The following N4BP3 variants were observed in gnomAD, a reference collection of about 807,000 sequenced individuals.
N4BP3 encodes the protein NEDD4-binding protein 3.
In N4BP3, 33 loss-of-function variants were observed where a neutral mutation model predicts 43.8. The observed-to-expected ratio is 0.75, with a 90% CI of 0.57 to 1.01. The LOEUF is 1.01. N4BP3 is among the 50% of genes least tolerant of loss of function. N4BP3 has a pLI of 0.00. For missense variants in N4BP3, 756 were observed against 744.2 expected (o/e 1.02, Z -0.18); for synonymous variants, 326 against 321.9 (o/e 1.01, Z -0.14).
Position 178,121,887 on chromosome 5 carries a change from C to G in N4BP3, c.1521C>G (p.Ile507Met). 6.2e-7 allele frequency: 1 copy of G among 1,610,794 alleles called. No individual in the cohort carries two copies. Among genetic ancestry groups the G allele is most frequent in the South Asian group, 1.1e-5 (1 of 90,892 alleles). Residue 507 changes from isoleucine to methionine, a missense_variant, in exon 5 of 5, where the codon ATC (isoleucine) becomes ATG (methionine). Ile to Met is a conservative substitution (Grantham distance 10). Transcript: ENST00000274605. ...GCGTGCTGCGCTACCAGCGGGAGAT[C>G]CAGGGAGGGTACATGGACATGTACC... ...KERVLRYQREIQGGYMDMYRR... is the reference protein window; with the variant it reads ...KERVLRYQREMQGGYMDMYRR...
Position 178,120,314 on chromosome 5 carries a change from C to G in N4BP3, c.467C>G (p.Pro156Arg). The change falls in exon 3 of 5, where the codon CCG becomes CGG. Residue 156 changes from proline to arginine, a missense_variant. Transcript: ENST00000274605. ...NGSLHTLACH[P>R]PLSPGPRASQ... is the part of the protein sequence containing the mutation. ...AGCCTGCACACGCTGGCCTGCCACC[C>G]GCCCCTGAGCCCCGGGCCCCGGGCC... The G allele has an allele frequency of 6.2e-7, 1 of 1,609,390 alleles. No homozygotes were observed.
intron 1 of N4BP3, among the ~76,000 whole-genome samples, chr5:178,115,757 CAAAG>C (rs1307813234): frequency 6.6e-6 from 1 of 152,242 alleles, no homozygotes. Flanking sequence ...ACGCCCCCCT[CAAAG>C]AAAGCGCGTC....
rs765424146 is a variant in N4BP3 at position 178,125,504 on chromosome 5, G to C, written c.*3503G>C. The C allele has an allele frequency of 6.6e-6, 1 of 152,264 alleles. No individual in the cohort carries two copies. The allele number at this position is 152,264 out of a possible 1,614,324, so 9.4% of individuals were successfully genotyped here. A position where few individuals can be genotyped will look rare whatever the true frequency, so the allele number is the denominator to read the frequency against. On this transcript the variant is annotated 3_prime_UTR_variant, in exon 5 of 5. Coordinates refer to ENST00000274605, the MANE Select transcript of N4BP3 (RefSeq NM_015111.2). ...GTGTTGAGGTTTCTGCAAAGAGGGC[G>C]CAGGCCCTGCAGTGACGGTTCAGAT...
In N4BP3 at chr5:178,120,581, C is replaced by T. The variant is rs773031714; in HGVS notation, c.734C>T (p.Pro245Leu). 5.0e-6 allele frequency: 8 copies of T among 1,612,822 alleles called. No homozygotes were observed. In the South Asian group the frequency reaches 7.7e-5, roughly 15 times the overall value. ...GTGCTGAGCTGCCTGCCCGAGCCAC[C>T]ACCCCCCTACGAGTTCTCCTGCTCC... ...PAVLSCLPEP[P>L]PPYEFSCSSA... is the part of the protein sequence containing the mutation. Residue 245 changes from proline to leucine, a missense_variant, in exon 3 of 5, where the codon CCA (proline) becomes CTA (leucine). Transcript: ENST00000274605.
At position 178,121,087 on chromosome 5, in the gene N4BP3, C is replaced by A; in HGVS notation, c.853-11C>A. The stretch of plus-strand genomic sequence containing the variant: ...CAGGGCCACGGTGGATGCATCTCTT[C>A]CCCTTGACAGGTGCTGGAGGAGCGC... On this transcript the variant is annotated splice_polypyrimidine_tract_variant and intron_variant, in intron 3 of 4. Coordinates refer to ENST00000274605, the MANE Select transcript of N4BP3 (RefSeq NM_015111.2). The A allele has an allele frequency of 6.3e-7, 1 of 1,595,486 alleles. No individual in the cohort carries two copies. Among genetic ancestry groups the A allele is most frequent in the South Asian group, 1.1e-5 (1 of 90,652 alleles).
At position 178,118,229 on chromosome 5, in the gene N4BP3, C is replaced by A. The variant is rs1210096315; in HGVS notation, c.-30-1325C>A. Among the ~76,000 whole-genome samples the A allele has an allele frequency of 6.6e-6, 1 of 152,202 alleles. No individual in the cohort carries two copies. Among genetic ancestry groups the A allele is most frequent in the Non-Finnish European group, 1.5e-5 (1 of 68,024 alleles). On this transcript the variant is annotated intron_variant, in intron 1 of 4. Coordinates refer to ENST00000274605, the MANE Select transcript of N4BP3 (RefSeq NM_015111.2). This position sits in a 1 kb window ranked among gnomAD's most constrained non-coding sequence, Gnocchi z 5.4. Reference sequence around the variant, plus strand: ...TGGCCCAGCACAGGTGGAAGGTGGTCCGTCAGCCTAGTCCCTTGGTGATGT... The same window carrying A: ...TGGCCCAGCACAGGTGGAAGGTGGTACGTCAGCCTAGTCCCTTGGTGATGT...
At chr5:178,113,894 G>A (rs895481878) in intron 1 of N4BP3, 123 bp downstream of exon 1, 1 of 152,482 alleles carries the variant, frequency 6.6e-6, no homozygotes, top group Admixed American at 6.5e-5. Flanking sequence ...CGCTGGCCGA[G>A]GCTCCCGTCT....
rs758855387 is a variant in N4BP3, at chr5:178,120,387, C to T, written c.540C>T (p.Gly180=). Residue 180 remains glycine (G), a synonymous_variant, in exon 3 of 5, where the codon GGC becomes GGT. Coordinates refer to ENST00000274605, the MANE Select transcript of N4BP3 (RefSeq NM_015111.2). ...TGCACGCCCTCAGCCTAGATGAGGG[C>T]GGCCCTGAGCCCGAGCCCAGCCTGT... ...QLLHALSLDE[G]GPEPEPSLSD... The T allele has an allele frequency of 2.6e-5, 42 of 1,612,584 alleles. 1 individual carries two copies. Among genetic ancestry groups the T allele is most frequent in the South Asian group, 2.2e-4 (20 of 91,072 alleles).
At position 178,123,679 on chromosome 5, in the gene N4BP3, G is replaced by A. The variant is rs1468829881; in HGVS notation, c.*1678G>A. 1 of 152,862 alleles carries A rather than the reference G, an allele frequency of 6.5e-6. No homozygotes were observed. The highest frequency in any genetic ancestry group is 2.4e-5 in the African/African-American group (1 of 41,458). 9.5% of individuals were successfully genotyped at this position (152,862 alleles called of 1,614,324 possible). On this transcript the variant is annotated 3_prime_UTR_variant, in exon 5 of 5. Transcript: ENST00000274605. ...ATGGTGTGTTTATGGCCATGTAAGT[G>A]GCAGGTGTGTGTAAAGATGTGCTTG... is the stretch of plus-strand genomic sequence containing the variant.
In N4BP3 at chr5:178,119,877, C is replaced by A. The variant is rs759799919; in HGVS notation, c.294C>A (p.Ser98Arg). ...YREHSRAGDFSKTSLPERGRF... is the reference protein window; with the variant it reads ...YREHSRAGDFRKTSLPERGRF... ...AACATTCTCGCGCGGGTGACTTCAG[C>A]AAGACCTCGCTGCCAGAACGGGGTC... Residue 98 changes from serine (S) to arginine (R), a missense_variant, in exon 2 of 5, where the codon AGC (serine) becomes AGA (arginine). Coordinates refer to ENST00000274605, the MANE Select transcript of N4BP3 (RefSeq NM_015111.2). 2 of 1,611,364 alleles carry A rather than the reference C, an allele frequency of 1.2e-6. No homozygotes were observed. Among genetic ancestry groups the A allele is most frequent in the South Asian group, 2.2e-5 (2 of 91,036 alleles).
At chr5:178,114,280 T>C (rs1459148429) in intron 1 of N4BP3, among the ~76,000 whole-genome samples, 1 of 152,114 alleles carries the variant, frequency 6.6e-6, no homozygotes, top group Non-Finnish European at 1.5e-5. Flanking sequence ...CTGACACAAA[T>C]TCCGTGGGGA....
downstream of N4BP3, among the ~76,000 whole-genome samples, chr5:178,126,909 C>A (rs944197671): frequency 2.0e-5 from 3 of 152,206 alleles, no homozygotes; most frequent in African/African-American, 7.2e-5. Context: ...CCAGAAACCT[C>A]AGGCCCCAGT....
rs1757733208 is a variant in N4BP3 at position 178,114,774 on chromosome 5, G to T, written c.-31+1003G>T. ...CCACCGCCTCTAGAGCTAGCATAGC[G>T]ACTCGGAGTCCCCATGAGGCAGGTT... On this transcript the variant is annotated intron_variant, in intron 1 of 4. Transcript: ENST00000274605. 3.3e-5 allele frequency among the ~76,000 whole-genome samples: 5 copies of T among 152,336 alleles called. No individual in the cohort carries two copies. In the South Asian group the frequency reaches 1.0e-3, roughly 32 times the overall value.
chr5:178,120,367 G>A lies in N4BP3; in HGVS notation c.520G>A (p.Ala174Thr), dbSNP rs760238204. The change falls in exon 3 of 5, where the codon GCC becomes ACC. Residue 174 changes from alanine (A) to threonine (T), a missense_variant. Ala to Thr is a moderately conservative substitution (Grantham distance 58). Transcript: ENST00000274605. Reference sequence around the variant, plus strand: ...CCAGGCCCGGGCACAGCTGCTGCACGCCCTCAGCCTAGATGAGGGCGGCCC... The same window carrying A: ...CCAGGCCCGGGCACAGCTGCTGCACACCCTCAGCCTAGATGAGGGCGGCCC... ...ASQARAQLLH[A>T]LSLDEGGPEP... The A allele has an allele frequency of 4.4e-6, 7 of 1,608,892 alleles. No homozygotes were observed. The highest frequency in any genetic ancestry group is 1.3e-5 in the African/African-American group (1 of 74,790).
rs772298001 is a variant in N4BP3, at chr5:178,121,645, C to T, written c.1279C>T (p.Arg427Cys). 8.1e-6 allele frequency: 13 copies of T among 1,612,486 alleles called. No individual in the cohort carries two copies. The highest frequency in any genetic ancestry group is 2.2e-5 in the East Asian group (1 of 44,856). Residue 427 changes from arginine to cysteine, a missense_variant, in exon 5 of 5, where the codon CGC (arginine) becomes TGC (cysteine). Arg to Cys is a radical substitution (Grantham distance 180). Transcript: ENST00000274605. ...GCTGGTCCGGCTGCGCGAGGCTGTG[C>T]GCAGCCTGCAGGAGCAGGCCCCTCG... is the stretch of plus-strand genomic sequence containing the variant. Reference protein sequence around the residue: ...AELVRLREAVRSLQEQAPREE... With the variant: ...AELVRLREAVCSLQEQAPREE...
chr5:178,116,138 G>A (rs1249375517), intron 1 of N4BP3, among the ~76,000 whole-genome samples: 2 of 152,186 alleles, frequency 1.3e-5, no homozygotes, highest in East Asian at 3.9e-4. Flanking sequence ...CAAGGCACTT[G>A]CTGTCCTCCC....
At position 178,121,139 on chromosome 5, in the gene N4BP3, G is replaced by A. The variant is rs974288619; in HGVS notation, c.894G>A (p.Lys298=). The A allele has an allele frequency of 1.3e-6, 2 of 1,599,484 alleles. No individual in the cohort carries two copies. Among genetic ancestry groups the A allele is most frequent in the African/African-American group, 2.7e-5 (2 of 74,874 alleles). The change falls in exon 4 of 5, where the codon AAG becomes AAA. Residue 298 remains lysine (K), a synonymous_variant. Transcript: ENST00000274605. ...AGCGGCTGTGGCTGGCTGAGCTGAA[G>A]CGCCTGTATGTGGAGCGGCTGCACG... The part of the protein sequence containing the change: ...ERQRLWLAEL[K]RLYVERLHEV...
chr5:178,117,638 A>AAAAAAG lies in N4BP3; in HGVS notation c.-30-1916_-30-1915insAAAAAG, dbSNP rs148196961. Among the ~76,000 whole-genome samples, 120 of 108,364 alleles carry AAAAAAG rather than the reference A, an allele frequency of 1.1e-3. 11 individuals carry two copies. Among genetic ancestry groups the AAAAAAG allele is most frequent in the Non-Finnish European group, 1.4e-3 (75 of 54,600 alleles). The allele number at this position is 108,364 out of a possible 152,430, so 71.1% of individuals were successfully genotyped here. ...GTCTCAAAAAAAAAAAAAAAAAAAA[A>AAAAAAG]GAAGGGACAATAACTCTGTCACAGG... is the stretch of plus-strand genomic sequence containing the variant. On this transcript the variant is annotated intron_variant, in intron 1 of 4. Transcript: ENST00000274605.
chr5:178,117,119 C>T (rs1409028076), intron 1 of N4BP3, among the ~76,000 whole-genome samples: 8 of 152,236 alleles, frequency 5.3e-5, no homozygotes, highest in Middle Eastern at 3.4e-3. Flanking sequence ...GGCCCTTTCC[C>T]GCTTCAGAGA....
Sources: gnomAD v4.1 joint callset for allele counts (sites outside exome capture counted in the v4.1 genomes callset) on GRCh38, gnomAD v4.1.1 for gene constraint, Gnocchi (gnomAD v3.1) non-coding constraint, MANE v1.5 for transcripts, NCBI Gene and HGNC (gene_info 2026-07-23, HGNC 2026-07-21) for gene names.